The following NPAS2 variants were observed in gnomAD, a reference collection of about 807,000 sequenced individuals.
NPAS2 encodes neuronal PAS domain-containing protein 2.
NPAS2 carries 23 observed loss-of-function variants against 107.5 expected under a neutral mutation model. The ratio of observed to expected loss-of-function variants is 0.21; its 90% confidence interval spans 0.15 to 0.30. NPAS2 has a LOEUF of 0.30. Ranked by LOEUF, NPAS2 falls within the 10% of genes least tolerant of loss-of-function variation. NPAS2 has a pLI of 1.00. For missense variants in NPAS2, 756 were observed against 1,043.3 expected (o/e 0.72, Z 3.79); for synonymous variants, 403 against 417.5 (o/e 0.97, Z 0.42).
chr2:100,843,634 T>C (rs565412769), intron 1 of NPAS2, among the ~76,000 whole-genome samples: 6 of 152,304 alleles, frequency 3.9e-5, no homozygotes, highest in South Asian at 2.1e-4. Flanking sequence ...TTAACACTTA[T>C]GTTAAGCAGA....
At chr2:100,883,910 C>A (rs1179188957) in intron 1 of NPAS2, among the ~76,000 whole-genome samples, 3 of 152,160 alleles carry the variant, frequency 2.0e-5, no homozygotes, top group Non-Finnish European at 2.9e-5. Flanking sequence ...TGGTTAGGCC[C>A]CAGCCCACAC....
In NPAS2 at chr2:100,820,749, G is replaced by GGATCGTGCCC. The variant is rs1676024080; in HGVS notation, c.-23+336_-23+345dup. Among the ~76,000 whole-genome samples, 1 of 152,190 alleles carries GGATCGTGCCC rather than the reference G, an allele frequency of 6.6e-6. No individual in the cohort carries two copies. The highest frequency in any genetic ancestry group is 6.5e-5 in the Admixed American group (1 of 15,294). ...TCGGGGTGTCCGACAGGGTGGAGAA[G>GGATCGTGCCC]GATCGTGCCCCAGGGCAACAGCTTT... is the stretch of plus-strand genomic sequence containing the variant. On this transcript the variant is annotated intron_variant, in intron 1 of 20. Transcript: ENST00000335681. The surrounding 1 kb of genome is among the most constrained non-coding windows in gnomAD (Gnocchi z 5.6).
intron 2 of NPAS2, among the ~76,000 whole-genome samples, chr2:100,924,535 C>T (rs1275951282): frequency 2.0e-5 from 3 of 152,220 alleles, no homozygotes; most frequent in East Asian, 1.9e-4. Flanking sequence ...TCCTCCATGT[C>T]ATTTTAAAAA....
At chr2:100,921,169 G>A (rs1010441235) in intron 2 of NPAS2, among the ~76,000 whole-genome samples, 2 of 152,204 alleles carry the variant, frequency 1.3e-5, no homozygotes, top group South Asian at 2.1e-4. Flanking sequence ...GAGGGTGCAC[G>A]GCCTCACAGC....
At position 100,976,556 on chromosome 2, in the gene NPAS2, GT is replaced by G. The variant is rs1359574029; in HGVS notation, c.1392+991del. On this transcript the variant is annotated intron_variant, in intron 14 of 20. Transcript: ENST00000335681. This position sits in a 1 kb window ranked among gnomAD's most constrained non-coding sequence, Gnocchi z 4.1. The stretch of plus-strand genomic sequence containing the variant: ...GAATTTTAGGGGCCACCTCCAGATA[GT>G]TGCCAAACCCCTCCCACCCACACTT... Among the ~76,000 whole-genome samples the G allele has an allele frequency of 6.6e-5, 10 of 152,190 alleles. No individual in the cohort carries two copies. The highest frequency in any genetic ancestry group is 6.5e-4 in the Admixed American group (10 of 15,286).
At chr2:100,914,458 G>T (rs1216781387) in intron 2 of NPAS2, among the ~76,000 whole-genome samples, 1 of 152,148 alleles carries the variant, frequency 6.6e-6, no homozygotes, top group Non-Finnish European at 1.5e-5. Context: ...GATGTGCAAT[G>T]GCGGATTCCT....
intron 2 of NPAS2, among the ~76,000 whole-genome samples, chr2:100,919,699 G>C (rs1238548082): frequency 3.3e-5 from 5 of 152,076 alleles, no homozygotes; most frequent in Non-Finnish European, 1.5e-5. Flanking sequence ...CGGTCTCCCC[G>C]TGCCTCCCCA....
chr2:100,882,108 ATAAT>A (rs1680387457), intron 1 of NPAS2, among the ~76,000 whole-genome samples: 1 of 152,234 alleles, frequency 6.6e-6, no homozygotes, highest in Non-Finnish European at 1.5e-5. Flanking sequence ...TTGTTTTGAA[ATAAT>A]TATAGATTCA....
Position 100,988,128 on chromosome 2 carries a change from G to A in NPAS2, c.1679G>A (p.Arg560Gln), listed in dbSNP as rs190648743. The A allele has an allele frequency of 9.6e-5, 155 of 1,614,194 alleles. 1 individual carries two copies. In the East Asian group the frequency reaches 2.6e-3, roughly 27 times the overall value. Residue 560 changes from arginine to glutamine, a missense_variant, in exon 17 of 21, where the codon CGA becomes CAA. Physicochemically the swap from Arg to Gln is conservative, Grantham distance 43. Transcript: ENST00000335681. ...AVSLSFSSTQ[R>Q]PEAQQQLQQR... ...TCCCTGAGCTTCAGCAGCACCCAGC[G>A]ACCTGAGGCTCAGCAGCAGCTACAG...
intron 7 of NPAS2, among the ~76,000 whole-genome samples, chr2:100,953,805 G>A (rs11895539): frequency 0.042 from 6,329 of 152,238 alleles, 172 homozygotes; most frequent in Non-Finnish European, 0.061. Context: ...GGCCCGCTCC[G>A]GCCTCCTGGC....
chr2:100,878,788 G>A (rs529216085), intron 1 of NPAS2, among the ~76,000 whole-genome samples: 26 of 152,182 alleles, frequency 1.7e-4, no homozygotes, highest in African/African-American at 5.3e-4. Flanking sequence ...AACGTTCACC[G>A]CTAATTTTTT....
chr2:100,869,443 G>C (rs907626782), intron 1 of NPAS2, among the ~76,000 whole-genome samples: 1 of 152,164 alleles, frequency 6.6e-6, no homozygotes, highest in Non-Finnish European at 1.5e-5. Context: ...CTCTGCAGAG[G>C]ATTTGTGTTT....
At chr2:100,879,398 A>C (rs1680193422) in intron 1 of NPAS2, among the ~76,000 whole-genome samples, 1 of 152,172 alleles carries the variant, frequency 6.6e-6, no homozygotes, top group African/African-American at 2.4e-5. Flanking sequence ...AATGCACTAC[A>C]ATGTTATTAA....
At chr2:100,876,079 T>G (rs944274851) in intron 1 of NPAS2, among the ~76,000 whole-genome samples, 2 of 151,768 alleles carry the variant, frequency 1.3e-5, no homozygotes, top group Non-Finnish European at 2.9e-5. Flanking sequence ...ACCACTCTAA[T>G]TTTTTTTTGT....
chr2:100,832,720 G>T (rs1448934463), intron 1 of NPAS2, among the ~76,000 whole-genome samples: 2 of 99,106 alleles, frequency 2.0e-5, no homozygotes, highest in South Asian at 5.7e-4. Flanking sequence ...GGAAACAATG[G>T]GGGTGCTAGT....
chr2:100,871,877 A>T (rs1319200570), intron 1 of NPAS2, among the ~76,000 whole-genome samples: 1 of 151,736 alleles, frequency 6.6e-6, no homozygotes, highest in Non-Finnish European at 1.5e-5. Flanking sequence ...AAGTCTCTCC[A>T]CTCCACATCA....
At position 100,820,246 on chromosome 2, in the gene NPAS2, CGCG is replaced by C. The variant is rs553770076; in HGVS notation, c.-170_-168del. ...GCCGCGGAGCCCGGAGACCCGCAGC[CGCG>C]GCGGCGGCGGCGGCGGCGGCAGCAG... On this transcript the variant is annotated 5_prime_UTR_variant, in exon 1 of 21. Coordinates refer to ENST00000335681, the MANE Select transcript of NPAS2 (RefSeq NM_002518.4). The surrounding 1 kb of genome is among the most constrained non-coding windows in gnomAD (Gnocchi z 5.6). The C allele has an allele frequency of 1.7e-4, 25 of 145,226 alleles. No individual in the cohort carries two copies. The highest frequency in any genetic ancestry group is 7.4e-4 in the South Asian group (4 of 5,372). 9.0% of individuals were successfully genotyped at this position (145,226 alleles called of 1,614,324 possible).
intron 1 of NPAS2, among the ~76,000 whole-genome samples, chr2:100,882,173 C>T (rs1159579121): frequency 6.6e-6 from 1 of 152,180 alleles, no homozygotes; most frequent in Non-Finnish European, 1.5e-5. Context: ...CCTGGTTTCC[C>T]CCAGTGGCAA....
chr2:100,975,110 G>A (rs934994931), intron 13 of NPAS2, among the ~76,000 whole-genome samples, 166 bp downstream of exon 13: 1 of 151,928 alleles, frequency 6.6e-6, no homozygotes, highest in Admixed American at 6.6e-5. Context: ...CCCGCCTCCT[G>A]ATCACCTCTC....
Sources: gnomAD v4.1 joint callset for allele counts (sites outside exome capture counted in the v4.1 genomes callset) on GRCh38, gnomAD v4.1.1 for gene constraint, Gnocchi (gnomAD v3.1) non-coding constraint, MANE v1.5 for transcripts, NCBI Gene and HGNC (gene_info 2026-07-23, HGNC 2026-07-21) for gene names.